Variants in HCFC2 observed in about 807,000 individuals in gnomAD.
HCFC2 encodes host cell factor 2.
HCFC2 carries 18 observed loss-of-function variants against 89.2 expected under a neutral mutation model. That is an observed-to-expected ratio of 0.20 (90% CI 0.14 to 0.30). HCFC2 has a LOEUF of 0.30. Ranked by LOEUF, HCFC2 falls within the 10% of genes least tolerant of loss-of-function variation. The pLI, the probability that HCFC2 is intolerant of heterozygous loss-of-function variation, is 1.00. For missense variants in HCFC2, 578 were observed against 956.1 expected, an observed-to-expected ratio of 0.60 and a Z score of 5.21; for synonymous variants, 308 against 335.7, an observed-to-expected ratio of 0.92 and a Z score of 0.90.
Position 104,096,394 on chromosome 12 carries a change from C to G in HCFC2, c.1701C>G (p.Ile567Met), listed in dbSNP as rs1222269847. ...DETYALPATK[I>M]SRVETHATAT... The stretch of plus-strand genomic sequence containing the variant: ...CATATGCACTGCCTGCAACGAAGAT[C>G]AGCCGTGTAGAGACACATGCTACAG... The change falls in exon 12 of 15, where the codon ATC (isoleucine) becomes ATG (methionine). Residue 567 changes from isoleucine to methionine, a missense_variant. Around this residue, in one of 4 missense-constraint regions of HCFC2, gnomAD observed 210 missense variants for 251.7 expected, o/e 0.83. Transcript: ENST00000229330. The G allele has an allele frequency of 1.2e-6, 2 of 1,607,344 alleles. No homozygotes were observed. The highest frequency in any genetic ancestry group is 1.7e-6 in the Non-Finnish European group (2 of 1,175,502).
At position 104,105,932 on chromosome 12, in the gene HCFC2, C is replaced by T. The variant is rs2030073972; in HGVS notation, c.*2659C>T. The T allele has an allele frequency of 1.3e-5, 2 of 152,104 alleles. No individual in the cohort carries two copies. The highest frequency in any genetic ancestry group is 2.9e-5 in the Non-Finnish European group (2 of 67,962). The allele number at this position is 152,104 out of a possible 1,614,324, so 9.4% of individuals were successfully genotyped here. ...TATAACAAGACTTTGTGCCAGTCCT[C>T]TTCTGTGTTCTGCAACTCTGGCTCT... On this transcript the variant is annotated 3_prime_UTR_variant, in exon 15 of 15. Coordinates refer to ENST00000229330, the MANE Select transcript of HCFC2 (RefSeq NM_013320.3).
intron 8 of HCFC2, among the ~76,000 whole-genome samples, chr12:104,087,435 G>A (rs1179815204): frequency 5.0e-5 from 5 of 99,800 alleles, no homozygotes; most frequent in South Asian, 3.5e-4. Context: ...GTGTGTGTGT[G>A]TGTGTGTATG....
chr12:104,081,904 C>CA (rs761929991), intron 5 of HCFC2, among the ~76,000 whole-genome samples: 1,350 of 62,166 alleles, frequency 0.022, 17 homozygotes, highest in African/African-American at 0.053. Context: ...GATCCTGTCT[C>CA]AAAAAAAAAA....
chr12:104,097,143 T>G (rs184097669), intron 12 of HCFC2, among the ~76,000 whole-genome samples: 31 of 152,332 alleles, frequency 2.0e-4, no homozygotes, highest in African/African-American at 7.5e-4. Flanking sequence ...TTTTTTGTTA[T>G]TAGTCATTTC....
At chr12:104,071,537 G>A (rs1883326863) in intron 3 of HCFC2, among the ~76,000 whole-genome samples, 1 of 152,242 alleles carries the variant, frequency 6.6e-6, no homozygotes, top group Non-Finnish European at 1.5e-5. Flanking sequence ...GGAAAGAAGA[G>A]TTGGGAACAC....
rs1883902551 is a variant in HCFC2 at position 104,087,484 on chromosome 12, T to TATACATATATATATATATAC, written c.1231+470_1231+471insATACATATATATATATATAC. Among the ~76,000 whole-genome samples the TATACATATATATATATATAC allele has an allele frequency of 2.3e-4, 32 of 140,936 alleles. No individual in the cohort carries two copies. The South Asian group carries it at 7.1e-3, about 31-fold the overall frequency. The allele number at this position is 140,936 out of a possible 152,430, so 92.5% of individuals were successfully genotyped here. ...ATATATACATATATATATATATATA[T>TATACATATATATATATATAC]GTATATATATATACACACATACACT... On this transcript the variant is annotated intron_variant, in intron 8 of 14. Transcript: ENST00000229330.
At chr12:104,079,391 C>A in intron 3 of HCFC2, 54 bp from the exon 4 acceptor site, 2 of 1,289,190 alleles carry the variant, frequency 1.6e-6, no homozygotes, top group Non-Finnish European at 2.2e-6. Context: ...AAATAAAATG[C>A]AAATAAAGGG....
intron 9 of HCFC2, among the ~76,000 whole-genome samples, chr12:104,092,185 C>T (rs78479988): frequency 0.047 from 7,153 of 152,248 alleles, 189 homozygotes; most frequent in South Asian, 0.11. Flanking sequence ...TTAAATGTGG[C>T]GGCTGGGTTC....
intron 8 of HCFC2, among the ~76,000 whole-genome samples, chr12:104,087,445 G>GTGTA (rs1883892646): frequency 3.9e-5 from 3 of 76,142 alleles, no homozygotes; most frequent in African/African-American, 1.3e-4. Flanking sequence ...GTGTGTGTAT[G>GTGTA]TGTGTGTGTA....
chr12:104,093,506 G>A lies in HCFC2; in HGVS notation c.1405G>A (p.Ala469Thr), dbSNP rs1223837874. 11 of 1,612,980 alleles carry A rather than the reference G, an allele frequency of 6.8e-6. No individual in the cohort carries two copies. The highest frequency in any genetic ancestry group is 1.3e-5 in the African/African-American group (1 of 74,874). ...TAATGCCATTTTATATCCATCTTTG[G>A]CATCAAATGCTTCTAATCATAATAG... ...DSNAILYPSLASNASNHNSHV... is the reference protein window; with the variant it reads ...DSNAILYPSLTSNASNHNSHV... Residue 469 changes from alanine to threonine, a missense_variant, in exon 10 of 15, where the codon GCA becomes ACA. Ala to Thr is a moderately conservative substitution (Grantham distance 58, BLOSUM62 0). Transcript: ENST00000229330.
At position 104,093,559 on chromosome 12, in the gene HCFC2, T is replaced by C. The variant is rs1197883994; in HGVS notation, c.1458T>C (p.Asn486=). 1.9e-6 allele frequency: 3 copies of C among 1,605,674 alleles called. No individual in the cohort carries two copies. The highest frequency in any genetic ancestry group is 1.7e-6 in the Non-Finnish European group (2 of 1,175,638). ...NSHVVDMLRK[N]EGPHTSANVG... ...ATGTGGTGGATATGCTAAGGAAAAA[T>C]GAAGGTATATGGATGACATTTTAAA... Residue 486 remains asparagine, a synonymous_variant, in exon 10 of 15, where the codon AAT becomes AAC. Coordinates refer to ENST00000229330, the MANE Select transcript of HCFC2 (RefSeq NM_013320.3).
At chr12:104,081,603 T>G (rs1034860127) in intron 5 of HCFC2, among the ~76,000 whole-genome samples, 4 of 151,370 alleles carry the variant, frequency 2.6e-5, no homozygotes, top group Non-Finnish European at 4.4e-5. Flanking sequence ...GAACCTAGTT[T>G]TTTTTTTTTT....
chr12:104,080,198 G>A (rs1236307076), intron 4 of HCFC2, among the ~76,000 whole-genome samples: 1 of 152,068 alleles, frequency 6.6e-6, no homozygotes, highest in Non-Finnish European at 1.5e-5. Flanking sequence ...TTCACAATTG[G>A]TGGCACCCTA....
Position 104,079,634 on chromosome 12 carries a change from C to T in HCFC2, c.663C>T (p.Asp221=). Residue 221 remains aspartate (D), a synonymous_variant, in exon 4 of 15, where the codon GAC becomes GAT. Transcript: ENST00000229330. The part of the protein sequence containing the change: ...FGGMCGARLD[D]LWQLDLETMS... ...GAATGTGTGGTGCTCGCCTGGATGACCTATGGCAGCTTGACTTAGGTAAGT... is the reference window on the plus strand; with the variant it reads ...GAATGTGTGGTGCTCGCCTGGATGATCTATGGCAGCTTGACTTAGGTAAGT... 1 of 1,613,818 alleles carries T rather than the reference C, an allele frequency of 6.2e-7. No homozygotes were observed. Among genetic ancestry groups the T allele is most frequent in the Non-Finnish European group, 8.5e-7 (1 of 1,179,820 alleles).
chr12:104,073,663 T>C (rs2136599411), intron 3 of HCFC2, among the ~76,000 whole-genome samples: 1 of 152,348 alleles, frequency 6.6e-6, no homozygotes, highest in South Asian at 2.1e-4. Context: ...TGATATACTT[T>C]TGTGACTAGT....
chr12:104,087,110 T>C (rs1288522641), intron 8 of HCFC2, 96 bp downstream of exon 8: 1 of 1,168,636 alleles, frequency 8.6e-7, no homozygotes, highest in East Asian at 2.8e-5. Flanking sequence ...ATCCCAGCAC[T>C]TTGGGAGGCT....
chr12:104,082,859 A>G lies in HCFC2; in HGVS notation c.1021A>G (p.Asn341Asp). The change falls in exon 7 of 15, where the codon AAT becomes GAT. Residue 341 changes from asparagine (N) to aspartate (D), a missense_variant. This residue lies in a region of HCFC2 where 206 missense variants were observed against 419.2 expected (regional missense o/e 0.49). Coordinates refer to ENST00000229330, the MANE Select transcript of HCFC2 (RefSeq NM_013320.3). ...AAGAGATGGCTACAAAAAAGCACTG[A>G]ATAGTCAAGTTTGCTGCAAGGATCT... The part of the protein sequence containing the change: ...SGRDGYKKAL[N>D]SQVCCKDLWY... 1 of 1,611,306 alleles carries G rather than the reference A, an allele frequency of 6.2e-7. No individual in the cohort carries two copies. Among genetic ancestry groups the G allele is most frequent in the Middle Eastern group, 1.7e-4 (1 of 6,054 alleles).
At chr12:104,092,863 A>G (rs746988707) in intron 9 of HCFC2, among the ~76,000 whole-genome samples, 31 of 152,222 alleles carry the variant, frequency 2.0e-4, no homozygotes, top group South Asian at 4.1e-4. Flanking sequence ...AAATGTAATT[A>G]GGGAGATTCT....
intron 3 of HCFC2, among the ~76,000 whole-genome samples, chr12:104,071,033 C>T (rs1030851594): frequency 9.9e-5 from 15 of 152,074 alleles, no homozygotes; most frequent in Non-Finnish European, 1.9e-4. Flanking sequence ...GTCTTGATCT[C>T]CTGACCTCAT....
Sources: gnomAD v4.1 joint callset for allele counts (sites outside exome capture counted in the v4.1 genomes callset) on GRCh38, gnomAD v4.1.1 for gene constraint, gnomAD v4.1.1 regional missense constraint, MANE v1.5 for transcripts, NCBI Gene and HGNC (gene_info 2026-07-23, HGNC 2026-07-21) for gene names.